The following ARID5B variants were observed in gnomAD, a reference collection of about 807,000 sequenced individuals.
ARID5B encodes AT-rich interaction domain 5B.
ARID5B carries 13 observed loss-of-function variants against 97.2 expected under a neutral mutation model. The ratio of observed to expected loss-of-function variants is 0.13; its 90% confidence interval spans 0.09 to 0.21. The LOEUF (loss-of-function observed/expected upper bound fraction) is 0.21, where lower values mean the gene tolerates loss of function less well. ARID5B is among the 10% of genes least tolerant of loss of function. The pLI, the probability that ARID5B is intolerant of heterozygous loss-of-function variation, is 1.00. For synonymous variants in ARID5B, 556 were observed against 570.3 expected, an observed-to-expected ratio of 0.97 and a Z score of 0.36; for missense variants, 1,210 against 1,465.3, an observed-to-expected ratio of 0.83 and a Z score of 2.84.
chr10:61,994,257 A>AT (rs1254422420), intron 3 of ARID5B, among the ~76,000 whole-genome samples: 9 of 151,898 alleles, frequency 5.9e-5, no homozygotes, highest in Non-Finnish European at 1.0e-4. Flanking sequence ...TTTTTAAAAG[A>AT]TTTTTTTTAA....
chr10:61,942,742 A>T (rs1844432510), intron 3 of ARID5B, among the ~76,000 whole-genome samples: 3 of 152,196 alleles, frequency 2.0e-5, no homozygotes. Context: ...CAGTGAGCCG[A>T]AATCATCACA....
intron 4 of ARID5B, among the ~76,000 whole-genome samples, chr10:62,002,711 G>A (rs932359646): frequency 6.6e-6 from 1 of 152,130 alleles, no homozygotes; most frequent in East Asian, 1.9e-4. Context: ...ACAGTTGGTG[G>A]AAGAACATAA....
chr10:61,952,843 G>GGT (rs59658634), intron 3 of ARID5B, among the ~76,000 whole-genome samples: 7,967 of 147,772 alleles, frequency 0.054, 237 homozygotes, highest in African/African-American at 0.086. Context: ...TGGTGTTATA[G>GGT]GTGTGTGTGT....
chr10:61,971,625 GA>G (rs1463451624), intron 3 of ARID5B, among the ~76,000 whole-genome samples: 6 of 152,226 alleles, frequency 3.9e-5, no homozygotes, highest in Non-Finnish European at 8.8e-5. Context: ...GCACAATACA[GA>G]AAATGAACCT....
intron 3 of ARID5B, among the ~76,000 whole-genome samples, chr10:61,949,333 T>G (rs1277230585): frequency 6.6e-6 from 1 of 152,168 alleles, no homozygotes; most frequent in Non-Finnish European, 1.5e-5. Context: ...CAGCCATATC[T>G]ATGATAAAAG....
rs1480696945 is a variant in ARID5B at position 62,092,369 on chromosome 10, C to G, written c.2906C>G (p.Pro969Arg). The change falls in exon 10 of 10, where the codon CCT becomes CGT. Residue 969 changes from proline (P) to arginine (R), a missense_variant. Pro to Arg is a moderately radical substitution (Grantham distance 103, BLOSUM62 -2). Transcript: ENST00000279873. ...ACCATGTCAGGCCCTAAAAAATACC[C>G]TGAATCGCTTTCAAGATCAGGAAAA... ...PMTMSGPKKY[P>R]ESLSRSGKPH... 6.2e-7 allele frequency: 1 copy of G among 1,614,186 alleles called. No homozygotes were observed. Among genetic ancestry groups the G allele is most frequent in the Non-Finnish European group, 8.5e-7 (1 of 1,180,028 alleles).
intron 4 of ARID5B, among the ~76,000 whole-genome samples, chr10:62,028,005 G>A (rs948938846): frequency 2.6e-5 from 4 of 152,194 alleles, no homozygotes; most frequent in Non-Finnish European, 4.4e-5. Flanking sequence ...TCCCTGGTGT[G>A]CATCTGCTTA....
chr10:62,043,273 A>G (rs938423183), intron 4 of ARID5B, among the ~76,000 whole-genome samples: 1 of 152,198 alleles, frequency 6.6e-6, no homozygotes, highest in South Asian at 2.1e-4. Context: ...CCTCACTCCT[A>G]GATTCAGCTC....
chr10:61,940,635 T>C (rs756346005), intron 3 of ARID5B, among the ~76,000 whole-genome samples: 5 of 151,948 alleles, frequency 3.3e-5, no homozygotes, highest in African/African-American at 4.8e-5. Flanking sequence ...GCTGGGGTGA[T>C]ACAGTGGTTC....
chr10:62,049,326 G>C, intron 4 of ARID5B: 1 of 1,510,526 alleles, frequency 6.6e-7, no homozygotes, highest in South Asian at 1.3e-5. Context: ...GGGGAGGGGA[G>C]TTGTAAGCAG....
At chr10:61,980,074 C>G (rs749356620) in intron 3 of ARID5B, among the ~76,000 whole-genome samples, 8 of 150,684 alleles carry the variant, frequency 5.3e-5, no homozygotes, top group Non-Finnish European at 1.2e-4. Context: ...GCATGGGCAA[C>G]AAGAGCGAGA....
At chr10:61,902,017 C>A in intron 1 of ARID5B, 142 bp from the exon 2 acceptor site, 1 of 679,988 alleles carries the variant, frequency 1.5e-6, no homozygotes, top group Non-Finnish European at 2.2e-6. Flanking sequence ...TTTGTGGGTG[C>A]TATTATTTTT....
intron 4 of ARID5B, 77 bp from the exon 5 acceptor site, chr10:62,050,811 T>C (rs1839777742): frequency 3.3e-6 from 4 of 1,209,544 alleles, no homozygotes; most frequent in African/African-American, 1.5e-5. Flanking sequence ...GGGATCACTG[T>C]AGTGAGATTC....
chr10:62,012,812 T>C (rs1589257891), intron 4 of ARID5B, among the ~76,000 whole-genome samples: 1 of 152,240 alleles, frequency 6.6e-6, no homozygotes, highest in African/African-American at 2.4e-5. Flanking sequence ...CTTATAAACA[T>C]TTTATAAACT....
At chr10:62,050,218 A>G (rs1839768740) in intron 4 of ARID5B, among the ~76,000 whole-genome samples, 1 of 152,248 alleles carries the variant, frequency 6.6e-6, no homozygotes. Flanking sequence ...ATAAGCCTTA[A>G]GATCTTCATA....
rs543950894 is a variant in ARID5B, at chr10:61,943,455, G to A, written c.502+3047G>A. 1.4e-3 allele frequency among the ~76,000 whole-genome samples: 202 copies of A among 143,452 alleles called. 2 individuals carry two copies. Among genetic ancestry groups the A allele is most frequent in the African/African-American group, 5.3e-3 (199 of 37,272 alleles). The allele number at this position is 143,452 out of a possible 152,430, so 94.1% of individuals were successfully genotyped here. A position where few individuals can be genotyped will look rare whatever the true frequency, so the allele number is the denominator to read the frequency against. On this transcript the variant is annotated intron_variant, in intron 3 of 9. Transcript: ENST00000279873. ...TCTTACCAAAGAAAGAAGATGAACT[G>A]TGAGATTATTTGAGGCCCCCCCCCT... is the stretch of plus-strand genomic sequence containing the variant.
intron 4 of ARID5B, among the ~76,000 whole-genome samples, chr10:62,043,321 G>A (rs1275314626): frequency 1.3e-5 from 2 of 152,198 alleles, no homozygotes; most frequent in East Asian, 3.8e-4. Context: ...GTAGTGAAAA[G>A]CATCTATAAT....
intron 4 of ARID5B, among the ~76,000 whole-genome samples, chr10:62,037,704 T>C (rs1373734493): frequency 2.6e-5 from 4 of 152,224 alleles, no homozygotes; most frequent in African/African-American, 9.7e-5. Context: ...AGGGAATTCA[T>C]TTTGGAATAT....
At chr10:61,972,129 A>T (rs1270390880) in intron 3 of ARID5B, among the ~76,000 whole-genome samples, 1 of 151,792 alleles carries the variant, frequency 6.6e-6, no homozygotes, top group Non-Finnish European at 1.5e-5. Context: ...TGAGATAACT[A>T]GTGTTGATAT....
Sources: gnomAD v4.1 joint callset for allele counts (sites outside exome capture counted in the v4.1 genomes callset) on GRCh38, gnomAD v4.1.1 for gene constraint, MANE v1.5 for transcripts, NCBI Gene and HGNC (gene_info 2026-07-23, HGNC 2026-07-21) for gene names.